The following ERP27 variants were observed in gnomAD, a reference collection of about 807,000 sequenced individuals.
ERP27 encodes the protein endoplasmic reticulum resident protein 27.
A neutral mutation model predicts 27.7 loss-of-function variants in ERP27; 23 were observed. The ratio of observed to expected loss-of-function variants is 0.83; its 90% CI spans 0.60 to 1.18. The LOEUF (loss-of-function observed/expected upper bound fraction) is 1.18, where lower values mean the gene tolerates loss of function less well. Among genes scored for constraint, ERP27 ranks in the 50% most tolerant of loss-of-function variants. The probability of loss-of-function intolerance (pLI) is 0.00; values close to 1 mark genes in which losing one functional copy is unlikely to be tolerated. For synonymous variants in ERP27, 159 were observed against 118.3 expected (o/e 1.34, Z -2.23); for missense variants, 363 against 327.9 (o/e 1.11, Z -0.83).
At chr12:14,937,697 A>G (rs977774724) in intron 2 of ERP27, among the ~76,000 whole-genome samples, 2 of 152,226 alleles carry the variant, frequency 1.3e-5, no homozygotes, top group African/African-American at 2.4e-5. Flanking sequence ...TTGAGCTTCA[A>G]AGCATCCATA....
intron 2 of ERP27, 133 bp from the exon 3 acceptor site, chr12:14,935,126 A>T: frequency 6.9e-7 from 1 of 1,454,816 alleles, no homozygotes. Context: ...CACATGATTT[A>T]CCCCTAACAA....
chr12:14,915,823 T>C, intron 5 of ERP27, 137 bp from the exon 6 acceptor site: 1 of 783,534 alleles, frequency 1.3e-6, no homozygotes, highest in African/African-American at 1.8e-5. Context: ...TGAGTTAAAA[T>C]AAATTATTGC....
At position 14,931,347 on chromosome 12, in the gene ERP27, G is replaced by A. The variant is rs949888171; in HGVS notation, c.333+3509C>T. Among the ~76,000 whole-genome samples the A allele has an allele frequency of 2.6e-5, 3 of 117,542 alleles. No individual in the cohort carries two copies. The Admixed American group carries it at 3.1e-4, about 12-fold the overall frequency. The allele number at this position is 117,542 out of a possible 152,430, so 77.1% of individuals were successfully genotyped here. A position where few individuals can be genotyped will look rare whatever the true frequency, so the allele number is the denominator to read the frequency against. On this transcript the variant is annotated intron_variant, in intron 3 of 6. Transcript: ENST00000266397. ...CCCAGTGTAAAATAGGATAGTCTTG[G>A]TTGATGTTCCCTTTTCAAAAAAAAA...
chr12:14,922,181 G>C (rs1239919914), intron 3 of ERP27, among the ~76,000 whole-genome samples: 1 of 152,106 alleles, frequency 6.6e-6, no homozygotes, highest in Non-Finnish European at 1.5e-5. Context: ...TTTGATTATA[G>C]GATATGTATA....
chr12:14,927,425 T>C (rs4140767), intron 3 of ERP27, among the ~76,000 whole-genome samples: 98,608 of 151,462 alleles, frequency 0.65, 32,327 homozygotes, highest in East Asian at 0.86. Context: ...CTGCAGCCCT[T>C]GAGAGGGCTT....
rs201382185 is a variant in ERP27 at position 14,917,293 on chromosome 12, C to G, written c.461G>C (p.Gly154Ala). ...VTEYNPVTVI[G>A]LFNSVIQIHL... ...AATCTGAATTACGCTGTTGAATAAC[C>G]CAATCACAGTCTGGCAAGTCGAAAT... Residue 154 changes from glycine (G) to alanine (A), a missense_variant, in exon 5 of 7, where the codon GGG (glycine) becomes GCG (alanine). Transcript: ENST00000266397. 2.5e-6 allele frequency: 4 copies of G among 1,614,082 alleles called. No individual in the cohort carries two copies. The South Asian group carries it at 4.4e-5, about 18-fold the overall frequency.
Position 14,917,184 on chromosome 12 carries a change from C to G in ERP27, c.570G>C (p.Gln190His), listed in dbSNP as rs1463896881. The change falls in exon 5 of 7, where the codon CAG (glutamine) becomes CAC (histidine). Residue 190 changes from glutamine to histidine, a missense_variant. Gln to His is a conservative substitution (Grantham distance 24). Coordinates refer to ENST00000266397, the MANE Select transcript of ERP27 (RefSeq NM_152321.4). ...ATTCCCATTCTTGCCTTACCTTCCC[C>G]TGGAAGAGCTTGGCTGCCTTCTGGT... The part of the protein sequence containing the change: ...HRYQKAAKLF[Q>H]GKILFILVDS... 1.2e-6 allele frequency: 2 copies of G among 1,614,132 alleles called. No homozygotes were observed. The highest frequency in any genetic ancestry group is 2.2e-5 in the East Asian group (1 of 44,874).
intron 3 of ERP27, among the ~76,000 whole-genome samples, chr12:14,926,226 T>C (rs908727885): frequency 4.6e-5 from 7 of 152,250 alleles, no homozygotes; most frequent in African/African-American, 1.7e-4. Context: ...AAACTGTCAT[T>C]ATGAACTGTT....
intron 3 of ERP27, among the ~76,000 whole-genome samples, chr12:14,926,156 T>TATC (rs1468641288): frequency 6.6e-6 from 1 of 152,258 alleles, no homozygotes; most frequent in Non-Finnish European, 1.5e-5. Flanking sequence ...GCTTATATAG[T>TATC]ATCAGTACAT....
chr12:14,932,684 T>C (rs1039036738), intron 3 of ERP27, among the ~76,000 whole-genome samples: 10 of 152,240 alleles, frequency 6.6e-5, no homozygotes, highest in Non-Finnish European at 1.2e-4. Flanking sequence ...GTGATACCAT[T>C]TTAGAAACTG....
intron 3 of ERP27, among the ~76,000 whole-genome samples, chr12:14,926,670 G>A (rs1310544964): frequency 6.6e-6 from 1 of 151,826 alleles, no homozygotes; most frequent in East Asian, 1.9e-4. Flanking sequence ...ATATTAATTG[G>A]CAATTTCAGC....
chr12:14,918,984 T>C (rs550768295), intron 4 of ERP27, among the ~76,000 whole-genome samples: 1 of 152,348 alleles, frequency 6.6e-6, no homozygotes, highest in South Asian at 2.1e-4. Context: ...GGTACAGTTA[T>C]CTTGGCAGAA....
At chr12:14,935,052 A>G (rs1413840713) in intron 2 of ERP27, 59 bp from the exon 3 acceptor site, 10 of 1,570,814 alleles carry the variant, frequency 6.4e-6, no homozygotes, top group Non-Finnish European at 8.6e-6. Context: ...GAGACAAACG[A>G]TAGGCAAAAG....
At chr12:14,924,240 T>G (rs1863562001) in intron 3 of ERP27, among the ~76,000 whole-genome samples, 1 of 152,224 alleles carries the variant, frequency 6.6e-6, no homozygotes, top group Admixed American at 6.5e-5. Flanking sequence ...GTGTCCATTG[T>G]ATATATGTAC....
intron 2 of ERP27, among the ~76,000 whole-genome samples, chr12:14,937,515 T>G (rs1389755690): frequency 6.6e-6 from 1 of 152,220 alleles, no homozygotes; most frequent in African/African-American, 2.4e-5. Flanking sequence ...TAAAAGGCTG[T>G]GCACTGACTA....
At chr12:14,917,068 C>G in intron 5 of ERP27, 110 bp downstream of exon 5, 1 of 1,323,962 alleles carries the variant, frequency 7.6e-7, no homozygotes, top group Non-Finnish European at 1.0e-6. Flanking sequence ...GCTTTGCTAT[C>G]TCCTAACCAT....
At chr12:14,926,831 C>A (rs1454175064) in intron 3 of ERP27, among the ~76,000 whole-genome samples, 1 of 152,166 alleles carries the variant, frequency 6.6e-6, no homozygotes, top group Admixed American at 6.5e-5. Flanking sequence ...TATACACTGA[C>A]ATTTATGCAC....
chr12:14,921,202 C>T (rs1401942535), intron 3 of ERP27, among the ~76,000 whole-genome samples, 154 bp from the exon 4 acceptor site: 1 of 152,114 alleles, frequency 6.6e-6, no homozygotes, highest in Non-Finnish European at 1.5e-5. Context: ...ACAAACTGTC[C>T]TGTAGACTCC....
chr12:14,938,534 C>T lies in ERP27; in HGVS notation c.-26G>A, dbSNP rs544624310. On this transcript the variant is annotated 5_prime_UTR_variant, in exon 1 of 7. Transcript: ENST00000266397. ...TGTCCCTCTCCTGCTCCTGCTCCAACCCTGGACTTTGTGTTGGGGAGGCCG... is the reference window on the plus strand; with the variant it reads ...TGTCCCTCTCCTGCTCCTGCTCCAATCCTGGACTTTGTGTTGGGGAGGCCG... The T allele has an allele frequency of 2.5e-6, 4 of 1,585,634 alleles. No individual in the cohort carries two copies. Among genetic ancestry groups the T allele is most frequent in the South Asian group, 2.3e-5 (2 of 88,690 alleles).
Sources: allele counts gnomAD v4.1 joint callset (sites outside exome capture counted in the v4.1 genomes callset), GRCh38; gene constraint gnomAD v4.1.1; transcripts MANE v1.5; gene names NCBI Gene and HGNC (gene_info 2026-07-23, HGNC 2026-07-21).